ATP6V1B1: variants seen among roughly 807,000 people sequenced by gnomAD.
The protein encoded by ATP6V1B1 is ATPase H+ transporting V1 subunit B1, also known as V-type proton ATPase subunit B, kidney isoform.
Under a neutral mutation model 62.1 loss-of-function variants are expected in ATP6V1B1, and 41 were observed. That is an observed-to-expected ratio of 0.66 (90% CI 0.51 to 0.86). ATP6V1B1 has a LOEUF of 0.86. ATP6V1B1 is among the 40% of genes least tolerant of loss of function. The probability of loss-of-function intolerance (pLI) is 0.00; values close to 1 mark genes in which losing one functional copy is unlikely to be tolerated. For synonymous variants in ATP6V1B1, 253 were observed against 273.4 expected (o/e 0.93, Z 0.74); for missense variants, 651 against 697.5 (o/e 0.93, Z 0.75).
chr2:70,941,635 A>G, intron 1 of ATP6V1B1: 1 of 878,694 alleles, frequency 1.1e-6, no homozygotes, highest in Non-Finnish European at 1.4e-6. Context: ...GGCACTTCAC[A>G]TTTTCATTTG....
At chr2:70,936,107 G>C (rs782482421) in intron 1 of ATP6V1B1, 35 bp downstream of exon 1, 2 of 1,605,818 alleles carry the variant, frequency 1.2e-6, no homozygotes, top group South Asian at 2.2e-5. Context: ...GGTGAGGTCA[G>C]GGTGGGGAGC....
Position 70,941,948 on chromosome 2 carries a change from G to A in ATP6V1B1, c.119-1710G>A, listed in dbSNP as rs191120039. ...AGTGGAGAAGGCCAAGGAGAGGGTG[G>A]AAGGTGGGGAAGGAAAGCCAGCAGT... On this transcript the variant is annotated intron_variant, in intron 1 of 13. Transcript: ENST00000234396. The A allele has an allele frequency of 1.4e-4, 142 of 1,000,172 alleles. No homozygotes were observed. The African/African-American group carries it at 2.3e-3, about 16-fold the overall frequency. The allele number at this position is 1,000,172 out of a possible 1,614,324, so 62.0% of individuals were successfully genotyped here. A position where few individuals can be genotyped will look rare whatever the true frequency, so the allele number is the denominator to read the frequency against.
chr2:70,941,319 G>A (rs1278862340), intron 1 of ATP6V1B1: 3 of 985,504 alleles, frequency 3.0e-6, no homozygotes, highest in African/African-American at 1.7e-5. Flanking sequence ...GAGGTGACAG[G>A]TCTTACTGCA....
chr2:70,945,112 T>A (rs1465576073), intron 2 of ATP6V1B1, among the ~76,000 whole-genome samples: 2 of 152,236 alleles, frequency 1.3e-5, no homozygotes, highest in South Asian at 2.1e-4. Flanking sequence ...TGTCATTTTT[T>A]AAAAATGTGA....
At position 70,949,171 on chromosome 2, in the gene ATP6V1B1, C is replaced by A. The variant is rs370750087; in HGVS notation, c.174+5458C>A. On this transcript the variant is annotated intron_variant, in intron 2 of 13. Transcript: ENST00000234396. ...CCTGCTGAATACGCTCAAACACAGG[C>A]AAATATGTTAGAGGTTGACCTCGGG... Among the ~76,000 whole-genome samples, 55 of 152,264 alleles carry A rather than the reference C, an allele frequency of 3.6e-4. No individual in the cohort carries two copies. The South Asian group carries it at 0.011, about 32-fold the overall frequency.
Position 70,963,230 on chromosome 2 carries a change from C to T in ATP6V1B1, c.978C>T (p.Ala326=), listed in dbSNP as rs1553420415. The change falls in exon 10 of 14, where the codon GCC becomes GCT. Residue 326 remains alanine (A), a synonymous_variant. Coordinates refer to ENST00000234396, the MANE Select transcript of ATP6V1B1 (RefSeq NM_001692.4). The surrounding 1 kb of genome is among the most constrained non-coding windows in gnomAD (Gnocchi z 4.3). ...GFPGYMYTDL[A]TIYERAGRVE... is the part of the protein sequence containing the mutation. The stretch of plus-strand genomic sequence containing the variant: ...CTGGATATATGTACACAGACCTGGC[C>T]ACCATCTACGAGCGGGCGGGCCGCG... 2.5e-6 allele frequency: 4 copies of T among 1,614,070 alleles called. No homozygotes were observed. Among genetic ancestry groups the T allele is most frequent in the South Asian group, 1.1e-5 (1 of 91,076 alleles).
chr2:70,937,641 C>G (rs1404187537), intron 1 of ATP6V1B1, among the ~76,000 whole-genome samples: 1 of 152,030 alleles, frequency 6.6e-6, no homozygotes, highest in African/African-American at 2.4e-5. Context: ...ATGAGCCCCA[C>G]TCCCTGCAGG....
rs782032773 is a variant in ATP6V1B1 at position 70,959,063 on chromosome 2, T to G, written c.413T>G (p.Val138Gly). The change falls in exon 5 of 14, where the codon GTG (valine) becomes GGG (glycine). Residue 138 changes from valine to glycine, a missense_variant. Val to Gly is a moderately radical substitution (Grantham distance 109). Transcript: ENST00000234396. The surrounding 1 kb of genome is among the most constrained non-coding windows in gnomAD (Gnocchi z 4.2). ...GSGKPIDKGPVVMAEDFLDIN... is the reference protein window; with the variant it reads ...GSGKPIDKGPGVMAEDFLDIN... ...GGCAAGCCCATTGACAAGGGGCCAGTGGTCATGGCGGAGGACTTTCTGGAT... is the reference window on the plus strand; with the variant it reads ...GGCAAGCCCATTGACAAGGGGCCAGGGGTCATGGCGGAGGACTTTCTGGAT... The G allele has an allele frequency of 3.7e-6, 6 of 1,614,000 alleles. No homozygotes were observed. The African/African-American group carries it at 6.7e-5, about 18-fold the overall frequency.
rs782370499 is a variant in ATP6V1B1 at position 70,943,569 on chromosome 2, G to C, written c.119-89G>C. The stretch of plus-strand genomic sequence containing the variant: ...CAGGCTGGGAAGGAGGTGGGGTGTG[G>C]AGAGAGGAAGGGAAGGCAGAGGATG... On this transcript the variant is annotated intron_variant, in intron 1 of 13. Transcript: ENST00000234396. 18 of 1,318,058 alleles carry C rather than the reference G, an allele frequency of 1.4e-5. No homozygotes were observed. In the Admixed American group the frequency reaches 3.4e-4, roughly 25 times the overall value. The allele number at this position is 1,318,058 out of a possible 1,614,324, so 81.6% of individuals were successfully genotyped here. A position where few individuals can be genotyped will look rare whatever the true frequency, so the allele number is the denominator to read the frequency against.
At position 70,946,272 on chromosome 2, in the gene ATP6V1B1, A is replaced by G. The variant is rs558948894; in HGVS notation, c.174+2559A>G. Among the ~76,000 whole-genome samples, 11 of 152,338 alleles carry G rather than the reference A, an allele frequency of 7.2e-5. No individual in the cohort carries two copies. In the East Asian group the frequency reaches 2.1e-3, roughly 29 times the overall value. On this transcript the variant is annotated intron_variant, in intron 2 of 13. Coordinates refer to ENST00000234396, the MANE Select transcript of ATP6V1B1 (RefSeq NM_001692.4). ...AAACAGATTCTGAGTTCATACGGACATTACCACTTGACCCCCCAGTGTAAG... is the reference window on the plus strand; with the variant it reads ...AAACAGATTCTGAGTTCATACGGACGTTACCACTTGACCCCCCAGTGTAAG...
chr2:70,964,754 G>C lies in ATP6V1B1; in HGVS notation c.1267G>C (p.Gly423Arg). Residue 423 changes from glycine (G) to arginine (R), a missense_variant, in exon 13 of 14, where the codon GGG (glycine) becomes CGG (arginine). Transcript: ENST00000234396. Reference sequence around the variant, plus strand: ...CCCCCAGTACGCCTGCTATGCCATCGGGAAGGACGTGCAGGCCATGAAGGC... The same window carrying C: ...CCCCCAGTACGCCTGCTATGCCATCCGGAAGGACGTGCAGGCCATGAAGGC... ...SNQLYACYAIGKDVQAMKAVV... is the reference protein window; with the variant it reads ...SNQLYACYAIRKDVQAMKAVV... The C allele has an allele frequency of 1.2e-6, 2 of 1,613,930 alleles. No homozygotes were observed. Among genetic ancestry groups the C allele is most frequent in the Non-Finnish European group, 1.7e-6 (2 of 1,180,018 alleles).
chr2:70,962,374 T>G (rs1380773576), intron 8 of ATP6V1B1, among the ~76,000 whole-genome samples: 1 of 152,140 alleles, frequency 6.6e-6, no homozygotes, highest in Non-Finnish European at 1.5e-5. Flanking sequence ...CTGACCCAAG[T>G]GTGGGTGCCC....
chr2:70,963,748 C>T lies in ATP6V1B1; in HGVS notation c.1143+94C>T. 1.4e-6 allele frequency: 2 copies of T among 1,393,466 alleles called. No homozygotes were observed. The highest frequency in any genetic ancestry group is 2.0e-6 in the Non-Finnish European group (2 of 992,682). 86.3% of individuals were successfully genotyped at this position (1,393,466 alleles called of 1,614,324 possible). A position where few individuals can be genotyped will look rare whatever the true frequency, so the allele number is the denominator to read the frequency against. On this transcript the variant is annotated intron_variant, in intron 11 of 13. Coordinates refer to ENST00000234396, the MANE Select transcript of ATP6V1B1 (RefSeq NM_001692.4). This position sits in a 1 kb window ranked among gnomAD's most constrained non-coding sequence, Gnocchi z 4.3. ...GCCCCCAGGCATGAATTAGGAGGGG[C>T]CAGCCAAAGCGAACCCCAAACAGGA...
chr2:70,964,714 C>G (rs1304880726), intron 12 of ATP6V1B1, 22 bp from the exon 13 acceptor site: 5 of 1,613,036 alleles, frequency 3.1e-6, no homozygotes, highest in Non-Finnish European at 4.2e-6. Flanking sequence ...CAGCGGCCAC[C>G]GACGCCTTGC....
chr2:70,937,982 G>A (rs1679899338), intron 1 of ATP6V1B1, among the ~76,000 whole-genome samples: 1 of 152,134 alleles, frequency 6.6e-6, no homozygotes, highest in Non-Finnish European at 1.5e-5. Flanking sequence ...CCTCCACCCA[G>A]GAGAATGTGT....
chr2:70,960,130 C>A (rs1558678460), intron 6 of ATP6V1B1, 52 bp downstream of exon 6: 3 of 1,608,684 alleles, frequency 1.9e-6, no homozygotes, highest in Non-Finnish European at 1.7e-6. Flanking sequence ...AGAGCAGAGG[C>A]TGGGGCTGCT....
chr2:70,938,022 G>C (rs972561252), intron 1 of ATP6V1B1, among the ~76,000 whole-genome samples: 48 of 152,198 alleles, frequency 3.2e-4, no homozygotes, highest in African/African-American at 1.2e-3. Flanking sequence ...AGTGGACCCA[G>C]AGCAAAGGTC....
At chr2:70,941,451 C>G (rs1680002974) in intron 1 of ATP6V1B1, 1 of 985,138 alleles carries the variant, frequency 1.0e-6, no homozygotes, top group South Asian at 4.7e-5. Context: ...GGGCTGGCAC[C>G]CCTTGACCCT....
At position 70,959,919 on chromosome 2, in the gene ATP6V1B1, CTG is replaced by C; in HGVS notation, c.446-17_446-16del. 1 of 1,614,130 alleles carries C rather than the reference CTG, an allele frequency of 6.2e-7. No individual in the cohort carries two copies. The highest frequency in any genetic ancestry group is 8.5e-7 in the Non-Finnish European group (1 of 1,180,034). On this transcript the variant is annotated intron_variant, in intron 5 of 13. Transcript: ENST00000234396. This position sits in a 1 kb window ranked among gnomAD's most constrained non-coding sequence, Gnocchi z 4.2. Reference sequence around the variant, plus strand: ...AGGGTTTGAACCCCTGAGCATGGCTCTGTGATCGCCCTCTCCCAGGCCAGCCC... The same window carrying C: ...AGGGTTTGAACCCCTGAGCATGGCTCTGATCGCCCTCTCCCAGGCCAGCCC...
Sources: allele counts gnomAD v4.1 joint callset (sites outside exome capture counted in the v4.1 genomes callset), GRCh38; gene constraint gnomAD v4.1.1; non-coding constraint Gnocchi (gnomAD v3.1); transcripts MANE v1.5; gene names NCBI Gene and HGNC (gene_info 2026-07-23, HGNC 2026-07-21).